Variants in MALT1 observed in about 807,000 individuals in gnomAD.
MALT1 encodes MALT1 paracaspase.
MALT1 carries 36 observed loss-of-function variants against 85.5 expected under a neutral mutation model. That is an observed-to-expected ratio of 0.42 (90% CI 0.32 to 0.56). The LOEUF is 0.56. Among genes scored for constraint, MALT1 ranks in the 20% least tolerant of loss-of-function variants. MALT1 has a pLI of 0.10. For missense variants in MALT1, 716 were observed against 981.6 expected (o/e 0.73, Z 3.62); for synonymous variants, 359 against 361.3 (o/e 0.99, Z 0.07).
At chr18:58,677,318 C>T (rs867897899) in intron 1 of MALT1, among the ~76,000 whole-genome samples, 1 of 152,086 alleles carries the variant, frequency 6.6e-6, no homozygotes, top group Non-Finnish European at 1.5e-5. Context: ...TTAATTTTCT[C>T]TATATCAATA....
At position 58,750,863 on chromosome 18, in the gene MALT1, G is replaced by C. The variant is rs1459372287; in HGVS notation, c.*3021G>C. 2.6e-5 allele frequency: 4 copies of C among 152,188 alleles called. No individual in the cohort carries two copies. Among genetic ancestry groups the C allele is most frequent in the African/African-American group, 9.7e-5 (4 of 41,436 alleles). 9.4% of individuals were successfully genotyped at this position (152,188 alleles called of 1,614,324 possible). A position where few individuals can be genotyped will look rare whatever the true frequency, so the allele number is the denominator to read the frequency against. On this transcript the variant is annotated 3_prime_UTR_variant, in exon 17 of 17. Transcript: ENST00000649217. ...AAAGCACAAGCAACAAAGGCAAACA[G>C]TAGATAAATGGGACTTCATCAAAAT... is the stretch of plus-strand genomic sequence containing the variant.
In MALT1 at chr18:58,709,462, T is replaced by C. The variant is rs1361269131; in HGVS notation, c.734T>C (p.Val245Ala). 6.2e-7 allele frequency: 1 copy of C among 1,613,150 alleles called. No homozygotes were observed. Among genetic ancestry groups the C allele is most frequent in the East Asian group, 2.2e-5 (1 of 44,826 alleles). The change falls in exon 5 of 17, where the codon GTT becomes GCT. Residue 245 changes from valine (V) to alanine (A), a missense_variant. Physicochemically the swap from Val to Ala is moderately conservative, Grantham distance 64. This residue lies in a region of MALT1 where 290 missense variants were observed against 380.5 expected (regional missense o/e 0.76). Coordinates refer to ENST00000649217, the MANE Select transcript of MALT1 (RefSeq NM_006785.4). The part of the protein sequence containing the change: ...SQKLMPGSTL[V>A]LQCVAVGSPI... ...AAGCTGATGCCAGGCAGCACATTGG[T>C]TTTACAGTGTGTTGCTGTTGGAAGC...
At chr18:58,715,615 T>C (rs1388894139) in intron 8 of MALT1, among the ~76,000 whole-genome samples, 1 of 152,208 alleles carries the variant, frequency 6.6e-6, no homozygotes, top group Non-Finnish European at 1.5e-5. Flanking sequence ...AATCTCTCTC[T>C]GCCTTAATTT....
chr18:58,716,717 A>G (rs1241298162), intron 9 of MALT1, among the ~76,000 whole-genome samples: 3 of 152,226 alleles, frequency 2.0e-5, no homozygotes, highest in Non-Finnish European at 4.4e-5. Context: ...TTTGTTGGAA[A>G]GAAAGAGTGG....
intron 2 of MALT1, among the ~76,000 whole-genome samples, chr18:58,693,547 A>G (rs1369383793): frequency 6.6e-6 from 1 of 152,248 alleles, no homozygotes; most frequent in South Asian, 2.1e-4. Context: ...TTTGATAGCT[A>G]GAGAGAAGTC....
chr18:58,747,722 A>G lies in MALT1; in HGVS notation c.2355A>G (p.Ala785=). 1 of 1,614,204 alleles carries G rather than the reference A, an allele frequency of 6.2e-7. No individual in the cohort carries two copies. Among genetic ancestry groups the G allele is most frequent in the East Asian group, 2.2e-5 (1 of 44,888 alleles). ...DSCHCSRTPD[A]FISSFAHHAS... ...GTCATTGCAGCCGGACTCCAGATGCATTTATTTCAAGTTTCGCTCACCATG... is the reference window on the plus strand; with the variant it reads ...GTCATTGCAGCCGGACTCCAGATGCGTTTATTTCAAGTTTCGCTCACCATG... The change falls in exon 17 of 17, where the codon GCA becomes GCG. Residue 785 remains alanine, a synonymous_variant. Coordinates refer to ENST00000649217, the MANE Select transcript of MALT1 (RefSeq NM_006785.4).
At chr18:58,742,848 T>C (rs2055320532) in intron 14 of MALT1, among the ~76,000 whole-genome samples, 1 of 152,232 alleles carries the variant, frequency 6.6e-6, no homozygotes, top group Admixed American at 6.5e-5. Flanking sequence ...TCTTGGACAC[T>C]TGATCAGTAA....
rs2055465933 is a variant in MALT1, at chr18:58,752,891, A to G, written c.*5049A>G. ...TTTTTTTCTAATTTGGTAGCATTAA[A>G]AATACTTAAGCATCAAAGTTTGGCT... On this transcript the variant is annotated 3_prime_UTR_variant, in exon 17 of 17. Coordinates refer to ENST00000649217, the MANE Select transcript of MALT1 (RefSeq NM_006785.4). 6.6e-6 allele frequency: 1 copy of G among 152,228 alleles called. No individual in the cohort carries two copies. The highest frequency in any genetic ancestry group is 2.4e-5 in the African/African-American group (1 of 41,462). The allele number at this position is 152,228 out of a possible 1,614,324, so 9.4% of individuals were successfully genotyped here.
intron 2 of MALT1, 30 bp from the exon 3 acceptor site, chr18:58,696,336 A>ATTT: frequency 5.1e-6 from 6 of 1,166,890 alleles, no homozygotes; most frequent in South Asian, 2.2e-5. Flanking sequence ...TTGTGACTTT[A>ATTT]ATTTTTTTTT....
chr18:58,740,506 CTTT>C (rs143919770), intron 13 of MALT1, among the ~76,000 whole-genome samples: 1 of 151,094 alleles, frequency 6.6e-6, no homozygotes, highest in Non-Finnish European at 1.5e-5. Flanking sequence ...TTTTAGTTGA[CTTT>C]TTTTTTCTTT....
intron 12 of MALT1, among the ~76,000 whole-genome samples, chr18:58,734,890 T>A (rs1021032580): frequency 6.6e-6 from 1 of 152,238 alleles, no homozygotes; most frequent in Admixed American, 6.5e-5. Flanking sequence ...ATTATTTTTA[T>A]TGGATATTGA....
At chr18:58,745,632 C>G (rs1317080392) in intron 15 of MALT1, 34 bp from the exon 16 acceptor site, 1 of 1,569,660 alleles carries the variant, frequency 6.4e-7, no homozygotes, top group African/African-American at 1.4e-5. Flanking sequence ...TCATTGATTT[C>G]ATTATTAACA....
chr18:58,721,242 G>T (rs763872470), intron 9 of MALT1, among the ~76,000 whole-genome samples: 32 of 152,166 alleles, frequency 2.1e-4, no homozygotes, highest in Non-Finnish European at 2.1e-4. Context: ...AGCTGGGCGT[G>T]GTGGCGCATG....
chr18:58,727,624 TTTTGTTTTTTTTTTTTTTGAGG>T (rs2055079981), intron 10 of MALT1, among the ~76,000 whole-genome samples: 2 of 128,060 alleles, frequency 1.6e-5, no homozygotes, highest in African/African-American at 5.7e-5. Flanking sequence ...GTGTTTTTTT[TTTTGTTTTTTTTTTTTTTGAGG>T]AAAAAAAGTC....
intron 2 of MALT1, among the ~76,000 whole-genome samples, chr18:58,682,026 C>T (rs2144312831): frequency 6.6e-6 from 1 of 152,268 alleles, no homozygotes; most frequent in Non-Finnish European, 1.5e-5. Context: ...TGCAGACCTC[C>T]TTCTTTACCT....
intron 10 of MALT1, among the ~76,000 whole-genome samples, chr18:58,730,276 A>T (rs2055128987): frequency 6.6e-6 from 1 of 152,236 alleles, no homozygotes. Flanking sequence ...CCATCACCCC[A>T]AAAAGAAACC....
At chr18:58,693,496 G>A (rs549660785) in intron 2 of MALT1, among the ~76,000 whole-genome samples, 1 of 152,332 alleles carries the variant, frequency 6.6e-6, no homozygotes, top group South Asian at 2.1e-4. Context: ...TTTCAGTGTA[G>A]ATGAAACAGC....
In MALT1 at chr18:58,727,623, TTTTTG is replaced by T. The variant is rs1195639826; in HGVS notation, c.1222+4377_1222+4381del. On this transcript the variant is annotated intron_variant, in intron 10 of 16. Coordinates refer to ENST00000649217, the MANE Select transcript of MALT1 (RefSeq NM_006785.4). ...CTGCCAAAGGTTTTTTGTGTTTTTT[TTTTTG>T]TTTTTTTTTTTTTTGAGGAAAAAAA... 2.5e-3 allele frequency among the ~76,000 whole-genome samples: 323 copies of T among 128,290 alleles called. 1 individual carries two copies. Among genetic ancestry groups the T allele is most frequent in the African/African-American group, 8.6e-3 (308 of 35,800 alleles). The allele number at this position is 128,290 out of a possible 152,430, so 84.2% of individuals were successfully genotyped here.
Position 58,734,319 on chromosome 18 carries a change from T to G in MALT1, c.1413T>G (p.Asp471Glu). The G allele has an allele frequency of 1.2e-6, 2 of 1,612,812 alleles. No homozygotes were observed. The highest frequency in any genetic ancestry group is 1.7e-6 in the Non-Finnish European group (2 of 1,178,746). ...CTCCCTTAAATAGAAATGACTACGA[T>G]GATACCATTCCAATCTTGGATGCAC... Reference protein sequence around the residue: ...LDMCRKRNDYDDTIPILDALK... With the variant: ...LDMCRKRNDYEDTIPILDALK... The change falls in exon 12 of 17, where the codon GAT becomes GAG. Residue 471 changes from aspartate (D) to glutamate (E), a missense_variant. Physicochemically the swap from Asp to Glu is conservative, Grantham distance 45. Coordinates refer to ENST00000649217, the MANE Select transcript of MALT1 (RefSeq NM_006785.4).
Sources: allele counts gnomAD v4.1 joint callset (sites outside exome capture counted in the v4.1 genomes callset), GRCh38; gene constraint gnomAD v4.1.1; regional missense constraint gnomAD v4.1.1; transcripts MANE v1.5; gene names NCBI Gene and HGNC (gene_info 2026-07-23, HGNC 2026-07-21).